DPH6: variants seen among roughly 807,000 people sequenced by gnomAD.
DPH6 encodes diphthine--ammonia ligase.
In DPH6, 33 loss-of-function variants were observed where a neutral mutation model predicts 38.2. That is an observed-to-expected ratio of 0.86 (90% CI 0.65 to 1.15). The LOEUF (loss-of-function observed/expected upper bound fraction) is 1.15, where lower values mean the gene tolerates loss of function less well. DPH6 is among the 50% of genes most tolerant of loss of function. The pLI, the probability that DPH6 is intolerant of heterozygous loss-of-function variation, is 0.00. For synonymous variants in DPH6, 108 were observed against 103.0 expected, an observed-to-expected ratio of 1.05 and a Z score of -0.30; for missense variants, 325 against 320.0, an observed-to-expected ratio of 1.02 and a Z score of -0.12.
the DPH6 span, among the ~76,000 whole-genome samples, chr15:35,149,818 T>C: frequency 2.0e-5 from 3 of 152,252 alleles, no homozygotes. Flanking sequence ...TCACTTAGTA[T>C]TCTGCAATAG....
intron 3 of DPH6, chr15:35,238,265 GC>G: frequency 1.4e-5 from 6 of 417,658 alleles, no homozygotes; most frequent in East Asian, 4.3e-5. Flanking sequence ...TATTTTTACT[GC>G]CAAAAAAAAA....
chr15:35,377,472 A>T (rs2052797075), intron 7 of DPH6, among the ~76,000 whole-genome samples: 1 of 152,206 alleles, frequency 6.6e-6, no homozygotes, highest in Non-Finnish European at 1.5e-5. Context: ...GAGAGAGAAG[A>T]AAATGACTAC....
chr15:35,368,032 T>C (rs771248055), downstream of DPH6, among the ~76,000 whole-genome samples: 1 of 151,930 alleles, frequency 6.6e-6, no homozygotes, highest in Non-Finnish European at 1.5e-5. Flanking sequence ...AATGGAACAG[T>C]AGTCAAGACA....
chr15:35,372,242 C>T, intron 8 of DPH6, 39 bp from the exon 9 acceptor site: 1 of 1,413,118 alleles, frequency 7.1e-7, no homozygotes, highest in Non-Finnish European at 9.4e-7. Flanking sequence ...GAAAATGCAC[C>T]ATATTTATTC....
chr15:35,182,120 A>G, the DPH6 span, among the ~76,000 whole-genome samples: 1 of 151,612 alleles, frequency 6.6e-6, no homozygotes, highest in Non-Finnish European at 1.5e-5. Flanking sequence ...GTTGTATAAA[A>G]CCTATAGATA....
intron 3 of DPH6, among the ~76,000 whole-genome samples, chr15:35,257,454 C>G (rs556470452): frequency 3.1e-4 from 47 of 152,234 alleles, no homozygotes; most frequent in African/African-American, 1.1e-3. Context: ...ATTGGAGTGA[C>G]AGCAATGCTA....
chr15:35,221,935 C>G (rs2051445793), intron 3 of DPH6, among the ~76,000 whole-genome samples: 1 of 152,174 alleles, frequency 6.6e-6, no homozygotes. Context: ...GTCAGATATC[C>G]TGGTTCATGG....
At chr15:35,287,450 C>T (rs1430969758) in intron 3 of DPH6, among the ~76,000 whole-genome samples, 2 of 152,112 alleles carry the variant, frequency 1.3e-5, no homozygotes, top group Non-Finnish European at 2.9e-5. Flanking sequence ...TTAAAAACTT[C>T]GCACAGTTCT....
Position 35,241,210 on chromosome 15 carries a change from TC to T in DPH6, n.201-20629del, listed in dbSNP as rs2051596087. On this transcript the variant is annotated intron_variant and non_coding_transcript_variant, in intron 3 of 3. Transcript: ENST00000560386. ...TCTGGCCCAAGGCTCTCTGACTGAC[TC>T]CTTCCCAGATCTTCTCGGCTTAGCA... Among the ~76,000 whole-genome samples, 2 of 143,782 alleles carry T rather than the reference TC, an allele frequency of 1.4e-5. 1 individual carries two copies. The highest frequency in any genetic ancestry group is 1.5e-4 in the Admixed American group (2 of 13,350). The allele number at this position is 143,782 out of a possible 152,430, so 94.3% of individuals were successfully genotyped here.
chr15:35,247,966 G>T (rs2140406778), intron 3 of DPH6, among the ~76,000 whole-genome samples: 1 of 152,276 alleles, frequency 6.6e-6, no homozygotes, highest in East Asian at 1.9e-4. Flanking sequence ...TGATTTAAAA[G>T]GGGGAAATGT....
intron 3 of DPH6, among the ~76,000 whole-genome samples, chr15:35,306,431 T>C (rs1021273337): frequency 8.5e-5 from 13 of 152,184 alleles, no homozygotes; most frequent in Non-Finnish European, 1.5e-5. Context: ...ATGCCCCTTA[T>C]TGAGTCATGG....
At chr15:35,483,194 G>A (rs780009195) in intron 3 of DPH6, among the ~76,000 whole-genome samples, 4 of 151,886 alleles carry the variant, frequency 2.6e-5, no homozygotes, top group Admixed American at 6.6e-5. Flanking sequence ...GCTTGGGTGC[G>A]GTGGTTCATG....
rs376447620 is a variant in DPH6 at position 35,242,235 on chromosome 15, C to T, written n.201-21653G>A. The stretch of plus-strand genomic sequence containing the variant: ...TAATTCTCGTAAAAACACACGTGCT[C>T]TCCCTGCTGATCGTGTCCAGCTGAT... On this transcript the variant is annotated intron_variant and non_coding_transcript_variant, in intron 3 of 3. Coordinates refer to the DPH6 transcript ENST00000560386. Among the ~76,000 whole-genome samples, 27 of 143,290 alleles carry T rather than the reference C, an allele frequency of 1.9e-4. 6 individuals are homozygous for T. The highest frequency in any genetic ancestry group is 6.6e-4 in the East Asian group (3 of 4,550). 94.0% of individuals were successfully genotyped at this position (143,290 alleles called of 152,430 possible).
rs1295964267 is a variant in DPH6, at chr15:35,379,603, C to T, written c.662+2219G>A. 9.9e-5 allele frequency among the ~76,000 whole-genome samples: 15 copies of T among 152,228 alleles called. 1 individual carries two copies. Among genetic ancestry groups the T allele is most frequent in the Middle Eastern group, 3.4e-3 (1 of 294 alleles). ...CACAAAACATGTTCACTCACATCTT[C>T]GCATTTATTGTATATCAGGCAGGTA... On this transcript the variant is annotated intron_variant, in intron 7 of 8. Transcript: ENST00000256538.
intron 3 of DPH6, among the ~76,000 whole-genome samples, chr15:35,296,732 T>C (rs1463128593): frequency 1.3e-5 from 2 of 152,152 alleles, no homozygotes; most frequent in Non-Finnish European, 2.9e-5. Flanking sequence ...TATATTTTCC[T>C]AGTACTTTAA....
chr15:35,521,790 A>G, intron 3 of DPH6: 1 of 1,238,984 alleles, frequency 8.1e-7, no homozygotes, highest in African/African-American at 1.5e-5. Context: ...TTCATATACA[A>G]GCATTTTACT....
At chr15:35,213,861 C>T (rs1380684005), downstream of DPH6, among the ~76,000 whole-genome samples, 1 of 152,184 alleles carries the variant, frequency 6.6e-6, no homozygotes. Context: ...GCCTGTAATC[C>T]CAGCACTTTG....
chr15:35,414,888 T>C (rs1473052481), intron 5 of DPH6, among the ~76,000 whole-genome samples: 1 of 151,914 alleles, frequency 6.6e-6, no homozygotes, highest in Non-Finnish European at 1.5e-5. Context: ...TTTATTTTTC[T>C]AATAATCACT....
chr15:35,513,470 A>C (rs2054802962), intron 3 of DPH6, among the ~76,000 whole-genome samples: 1 of 152,104 alleles, frequency 6.6e-6, no homozygotes, highest in Non-Finnish European at 1.5e-5. Context: ...GATGAACATC[A>C]AAAATTAAAA....
Sources: gnomAD v4.1 joint callset for allele counts (sites outside exome capture counted in the v4.1 genomes callset) on GRCh38, gnomAD v4.1.1 for gene constraint, MANE v1.5 for transcripts, NCBI Gene and HGNC (gene_info 2026-07-23, HGNC 2026-07-21) for gene names.